SERINC5: variants seen among roughly 807,000 people sequenced by gnomAD.
SERINC5 encodes the protein chromosome 5 open reading frame 12.
In SERINC5, 41 loss-of-function variants were observed where a neutral mutation model predicts 63.1. That is an observed-to-expected ratio of 0.65 (90% CI 0.51 to 0.84). The LOEUF (loss-of-function observed/expected upper bound fraction) is 0.84, where lower values mean the gene tolerates loss of function less well. SERINC5 is among the 40% of genes least tolerant of loss of function. The probability of loss-of-function intolerance (pLI) is 0.00; values close to 1 mark genes in which losing one functional copy is unlikely to be tolerated. For missense variants in SERINC5, 523 were observed against 573.0 expected (o/e 0.91, Z 0.89); for synonymous variants, 222 against 215.2 (o/e 1.03, Z -0.28).
At chr5:80,244,513 C>T (rs993343386) in intron 1 of SERINC5, among the ~76,000 whole-genome samples, 2 of 151,916 alleles carry the variant, frequency 1.3e-5, no homozygotes, top group African/African-American at 4.8e-5. Context: ...CCACACCTGG[C>T]CTTACTCTTT....
chr5:80,125,674 T>C (rs547360426), intron 11 of SERINC5, among the ~76,000 whole-genome samples: 1 of 152,066 alleles, frequency 6.6e-6, no homozygotes, highest in Non-Finnish European at 1.5e-5. Flanking sequence ...CTGGAATGGA[T>C]TGGGGACGTC....
At chr5:80,148,298 A>G (rs545720378) in intron 9 of SERINC5, among the ~76,000 whole-genome samples, 1 of 144,596 alleles carries the variant, frequency 6.9e-6, no homozygotes, top group African/African-American at 2.6e-5. Flanking sequence ...TCAAGCAATT[A>G]TCCTGCCTCA....
At chr5:80,130,434 T>C (rs1744900810) in intron 11 of SERINC5, among the ~76,000 whole-genome samples, 1 of 152,132 alleles carries the variant, frequency 6.6e-6, no homozygotes, top group Non-Finnish European at 1.5e-5. Context: ...TTGTGGTGGC[T>C]TGTGTCTGTA....
In SERINC5 at chr5:80,178,072, G is replaced by C. The variant is rs1326557189; in HGVS notation, c.196-8C>G. ...ATCTTCAAAAAAAGGAATCTGAGGAGAAAGTTTAGAAAAGTCATCTGTTAC... is the reference window on the plus strand; with the variant it reads ...ATCTTCAAAAAAAGGAATCTGAGGACAAAGTTTAGAAAAGTCATCTGTTAC... On this transcript the variant is annotated splice_polypyrimidine_tract_variant and splice_region_variant and intron_variant, in intron 2 of 11. Transcript: ENST00000507668. 2 of 1,580,940 alleles carry C rather than the reference G, an allele frequency of 1.3e-6. No individual in the cohort carries two copies. Among genetic ancestry groups the C allele is most frequent in the Admixed American group, 3.7e-5 (2 of 53,424 alleles).
At chr5:80,137,595 A>G (rs1001836968), downstream of SERINC5, among the ~76,000 whole-genome samples, 3 of 144,168 alleles carry the variant, frequency 2.1e-5, no homozygotes, top group African/African-American at 7.7e-5. Flanking sequence ...GTGAGCCGAG[A>G]TCATGCCACT....
rs568630894 is a variant in SERINC5 at position 80,186,989 on chromosome 5, C to T, written c.196-8925G>A. On this transcript the variant is annotated intron_variant, in intron 2 of 11. Coordinates refer to ENST00000507668, the MANE Select transcript of SERINC5 (RefSeq NM_001174072.3). ...TGGCTAACATGGTGAAACTCCATCT[C>T]TACCAAAAATACCTAAAAATACAAA... is the stretch of plus-strand genomic sequence containing the variant. 5.9e-5 allele frequency among the ~76,000 whole-genome samples: 9 copies of T among 152,078 alleles called. No homozygotes were observed. The East Asian group carries it at 1.7e-3, about 29-fold the overall frequency.
At chr5:80,185,680 G>A (rs1184862359) in intron 2 of SERINC5, among the ~76,000 whole-genome samples, 1 of 152,090 alleles carries the variant, frequency 6.6e-6, no homozygotes, top group Non-Finnish European at 1.5e-5. Flanking sequence ...AAGGGGGTTC[G>A]TTCTCTGGTG....
In SERINC5 at chr5:80,143,739, C is replaced by G. The variant is rs1318528317; in HGVS notation, c.1310G>C (p.Cys437Ser). 2 of 1,536,130 alleles carry G rather than the reference C, an allele frequency of 1.3e-6. No individual in the cohort carries two copies. Among genetic ancestry groups the G allele is most frequent in the Non-Finnish European group, 1.7e-6 (2 of 1,146,890 alleles). ...WSIFWVKMASCWICVLLYLCT... is the reference protein window; with the variant it reads ...WSIFWVKMASSWICVLLYLCT... ...CAGGTACAACAGCACGCATATCCAG[C>G]AGGAGGCCATCTTGACCCAGAAGAT... The change falls in exon 12 of 12, where the codon TGC becomes TCC. Residue 437 changes from cysteine to serine, a missense_variant. Physicochemically the swap from Cys to Ser is moderately radical, Grantham distance 112. Coordinates refer to ENST00000507668, the MANE Select transcript of SERINC5 (RefSeq NM_001174072.3).
chr5:80,249,442 A>T (rs1415586755), intron 1 of SERINC5, among the ~76,000 whole-genome samples: 1 of 152,208 alleles, frequency 6.6e-6, no homozygotes, highest in East Asian at 1.9e-4. Context: ...CAGTCACCTC[A>T]TAATTATGCA....
At chr5:80,246,128 T>G (rs1243145711) in intron 1 of SERINC5, among the ~76,000 whole-genome samples, 2 of 152,180 alleles carry the variant, frequency 1.3e-5, no homozygotes, top group African/African-American at 4.8e-5. Context: ...ACTGCCATTG[T>G]TTCTGAGAAT....
chr5:80,197,012 G>A (rs922479404), intron 2 of SERINC5, among the ~76,000 whole-genome samples: 1 of 152,076 alleles, frequency 6.6e-6, no homozygotes, highest in East Asian at 1.9e-4. Context: ...GCCACTTAAA[G>A]GAATGAAGTA....
intron 2 of SERINC5, among the ~76,000 whole-genome samples, chr5:80,181,625 A>C (rs1488690836): frequency 6.6e-6 from 1 of 151,866 alleles, no homozygotes; most frequent in Admixed American, 6.6e-5. Flanking sequence ...TTTTGTTTTC[A>C]GCAAATTCCT....
At chr5:80,159,958 A>T (rs1417546511) in intron 7 of SERINC5, among the ~76,000 whole-genome samples, 1 of 152,158 alleles carries the variant, frequency 6.6e-6, no homozygotes, top group Non-Finnish European at 1.5e-5. Flanking sequence ...CTTTGTAATA[A>T]ATCAGTAAAG....
chr5:80,197,349 G>C (rs998901008), intron 2 of SERINC5, among the ~76,000 whole-genome samples: 1 of 46,236 alleles, frequency 2.2e-5, no homozygotes, highest in Non-Finnish European at 4.6e-5. Flanking sequence ...GAGAGAGAGA[G>C]AGAGAGAGAG....
chr5:80,248,808 G>A (rs902876581), intron 1 of SERINC5, among the ~76,000 whole-genome samples: 29 of 152,148 alleles, frequency 1.9e-4, no homozygotes, highest in Non-Finnish European at 5.9e-5. Flanking sequence ...TTGGACAGAC[G>A]TTATCTGTGA....
intron 1 of SERINC5, among the ~76,000 whole-genome samples, chr5:80,224,588 T>C (rs968950515): frequency 1.4e-4 from 21 of 151,848 alleles, no homozygotes; most frequent in African/African-American, 4.8e-4. Context: ...GCAGAAACAA[T>C]AGTAACAGAA....
intron 8 of SERINC5, among the ~76,000 whole-genome samples, chr5:80,154,229 T>C (rs866159708): frequency 6.6e-6 from 1 of 151,934 alleles, no homozygotes; most frequent in African/African-American, 2.4e-5. Context: ...GCCCAGGCTG[T>C]AGTGCAATGG....
rs571033605 is a variant in SERINC5 at position 80,231,513 on chromosome 5, T to A, written c.27+24383A>T. ...GGTCACAAAAAAAATGAGTCAGCCA[T>A]CTAAGAATGACTGGTCACCAGTTCC... is the stretch of plus-strand genomic sequence containing the variant. On this transcript the variant is annotated intron_variant, in intron 1 of 11. Coordinates refer to ENST00000507668, the MANE Select transcript of SERINC5 (RefSeq NM_001174072.3). Among the ~76,000 whole-genome samples the A allele has an allele frequency of 1.3e-3, 196 of 152,072 alleles. No homozygotes were observed. In the Middle Eastern group the frequency reaches 0.014, roughly 11 times the overall value.
intron 1 of SERINC5, among the ~76,000 whole-genome samples, chr5:80,236,468 A>G (rs1458934266): frequency 6.6e-6 from 1 of 152,172 alleles, no homozygotes; most frequent in African/African-American, 2.4e-5. Context: ...AATTCTCAGT[A>G]GAAAGCAGGT....
Sources: allele counts gnomAD v4.1 joint callset (sites outside exome capture counted in the v4.1 genomes callset), GRCh38; gene constraint gnomAD v4.1.1; transcripts MANE v1.5; gene names NCBI Gene and HGNC (gene_info 2026-07-23, HGNC 2026-07-21).